The following SCARB2 variants were observed in gnomAD, a reference collection of about 807,000 sequenced individuals.
The protein encoded by SCARB2 is lysosome membrane protein 2.
A neutral mutation model predicts 58.6 loss-of-function variants in SCARB2; 29 were observed. The ratio of observed to expected loss-of-function variants is 0.49; its 90% CI spans 0.37 to 0.67. SCARB2 has a LOEUF of 0.67. SCARB2 is among the 30% of genes least tolerant of loss of function. The pLI is 0.00. For missense variants in SCARB2, 488 were observed against 578.5 expected (o/e 0.84, Z 1.60); for synonymous variants, 195 against 210.1 (o/e 0.93, Z 0.62).
At chr4:76,167,678 C>G (rs1294537678) in intron 9 of SCARB2, among the ~76,000 whole-genome samples, 21 of 123,194 alleles carry the variant, frequency 1.7e-4, no homozygotes, top group Admixed American at 7.8e-4. Flanking sequence ...TCCCTCCCCC[C>G]CCCCGCTTTT....
At chr4:76,215,282 G>A (rs1733183846), upstream of SCARB2, among the ~76,000 whole-genome samples, 2 of 152,220 alleles carry the variant, frequency 1.3e-5, no homozygotes, top group African/African-American at 4.8e-5. Context: ...GAACACTGGG[G>A]CTCTGAGTTA....
chr4:76,174,466 A>G, intron 6 of SCARB2, 153 bp from the exon 7 acceptor site: 2 of 683,258 alleles, frequency 2.9e-6, no homozygotes, highest in Non-Finnish European at 2.6e-6. Flanking sequence ...TGTCAACTCA[A>G]CGTGTAATAA....
intron 1 of SCARB2, 110 bp downstream of exon 1, chr4:76,213,317 G>C: frequency 1.3e-6 from 1 of 778,576 alleles, no homozygotes. Context: ...AAGAGCTCTA[G>C]CGCGGAGGGT....
intron 1 of SCARB2, among the ~76,000 whole-genome samples, chr4:76,228,405 G>A (rs1733436478): frequency 6.6e-6 from 1 of 151,772 alleles, no homozygotes; most frequent in Non-Finnish European, 1.5e-5. Context: ...CTTGAACCCG[G>A]AAGGTGAAGG....
At chr4:76,195,552 C>T (rs1454089512) in intron 2 of SCARB2, 155 bp downstream of exon 2, 12 of 667,202 alleles carry the variant, frequency 1.8e-5, no homozygotes, top group Admixed American at 7.3e-5. Context: ...AGGTTTCACA[C>T]ACACATACAA....
rs1731899302 is a variant in SCARB2 at position 76,161,619 on chromosome 4, AG to A, written c.*93del. 3 of 1,342,860 alleles carry A rather than the reference AG, an allele frequency of 2.2e-6. No individual in the cohort carries two copies. Among genetic ancestry groups the A allele is most frequent in the Middle Eastern group, 1.8e-4 (1 of 5,566 alleles). 83.2% of individuals were successfully genotyped at this position (1,342,860 alleles called of 1,614,324 possible). On this transcript the variant is annotated 3_prime_UTR_variant, in exon 12 of 12. Transcript: ENST00000264896. ...GCCGTGTCTTTTTCCTTCTTTCAAC[AG>A]GCAACAAGCCTGCAAGGAGGTGGAG...
In SCARB2 at chr4:76,207,896, T is replaced by C. The variant is rs374962647; in HGVS notation, c.117+5531A>G. Among the ~76,000 whole-genome samples, 64 of 152,366 alleles carry C rather than the reference T, an allele frequency of 4.2e-4. 1 individual carries two copies. Among genetic ancestry groups the C allele is most frequent in the African/African-American group, 1.4e-3 (59 of 41,596 alleles). ...CCTCACCAAATAATATTTCCTTTAA[T>C]GTAAACTTGCAGATTAATAGTAATT... On this transcript the variant is annotated intron_variant, in intron 1 of 11. Coordinates refer to ENST00000264896, the MANE Select transcript of SCARB2 (RefSeq NM_005506.4).
chr4:76,172,325 G>A (rs1732150090), intron 7 of SCARB2, among the ~76,000 whole-genome samples: 2 of 151,284 alleles, frequency 1.3e-5, no homozygotes, highest in Admixed American at 1.3e-4. Context: ...GGAGTGCAGT[G>A]TTGCAATCAT....
intron 7 of SCARB2, 95 bp downstream of exon 7, chr4:76,174,049 G>A: frequency 2.1e-6 from 3 of 1,460,030 alleles, no homozygotes; most frequent in Non-Finnish European, 2.9e-6. Flanking sequence ...GGGACTGTAG[G>A]TGTGCGCCAC....
chr4:76,209,933 C>T (rs1045226253), intron 1 of SCARB2, among the ~76,000 whole-genome samples: 1 of 152,204 alleles, frequency 6.6e-6, no homozygotes, highest in Non-Finnish European at 1.5e-5. Flanking sequence ...TTCTGCATCC[C>T]TATTACTGGG....
intron 1 of SCARB2, among the ~76,000 whole-genome samples, chr4:76,224,709 C>T (rs898262964): frequency 3.3e-5 from 5 of 152,092 alleles, no homozygotes; most frequent in African/African-American, 9.7e-5. Context: ...ACTACAGATG[C>T]AAGCCACTAG....
At chr4:76,232,975 A>G (rs1374602797) in intron 1 of SCARB2, among the ~76,000 whole-genome samples, 4 of 152,312 alleles carry the variant, frequency 2.6e-5, no homozygotes, top group Admixed American at 1.3e-4. Flanking sequence ...ATTAATTTCC[A>G]TAATTCTTGC....
chr4:76,220,364 T>C (rs1733287024), intron 1 of SCARB2, among the ~76,000 whole-genome samples: 1 of 152,222 alleles, frequency 6.6e-6, no homozygotes, highest in Non-Finnish European at 1.5e-5. Flanking sequence ...TGGTGGCTCA[T>C]ACCTGTAATA....
chr4:76,176,557 A>C (rs2109944372), intron 4 of SCARB2, 29 bp from the exon 5 acceptor site: 1 of 1,456,024 alleles, frequency 6.9e-7, no homozygotes, highest in East Asian at 2.3e-5. Context: ...GATCATTTAA[A>C]GTAACTGTGA....
At chr4:76,222,785 T>G (rs1290061651) in intron 1 of SCARB2, among the ~76,000 whole-genome samples, 1 of 152,202 alleles carries the variant, frequency 6.6e-6, no homozygotes, top group African/African-American at 2.4e-5. Flanking sequence ...CTATTAATTT[T>G]TCAAAGGTCT....
intron 1 of SCARB2, among the ~76,000 whole-genome samples, chr4:76,220,039 A>G (rs957682499): frequency 3.9e-5 from 6 of 152,236 alleles, no homozygotes; most frequent in Non-Finnish European, 7.3e-5. Context: ...ACTGCAAGCT[A>G]TCTTAAGCAG....
chr4:76,225,437 G>A (rs1280720859), intron 1 of SCARB2, among the ~76,000 whole-genome samples: 1 of 152,150 alleles, frequency 6.6e-6, no homozygotes, highest in African/African-American at 2.4e-5. Context: ...GAATAGCAGT[G>A]ATGAAAATGG....
At chr4:76,230,487 T>G (rs981024547) in intron 1 of SCARB2, among the ~76,000 whole-genome samples, 2 of 152,178 alleles carry the variant, frequency 1.3e-5, no homozygotes, top group Non-Finnish European at 2.9e-5. Flanking sequence ...TGCCCCTCCC[T>G]GTCTGCCCAC....
At chr4:76,228,832 A>T (rs1733445363) in intron 1 of SCARB2, among the ~76,000 whole-genome samples, 1 of 152,196 alleles carries the variant, frequency 6.6e-6, no homozygotes, top group Non-Finnish European at 1.5e-5. Flanking sequence ...GTGCCCAGGT[A>T]ATGATCTTTT....
Sources: allele counts gnomAD v4.1 joint callset (sites outside exome capture counted in the v4.1 genomes callset), GRCh38; gene constraint gnomAD v4.1.1; transcripts MANE v1.5; gene names NCBI Gene and HGNC (gene_info 2026-07-23, HGNC 2026-07-21).